The following THSD7A variants were observed in gnomAD, a reference collection of about 807,000 sequenced individuals.
THSD7A encodes thrombospondin type 1 domain containing 7A.
A neutral mutation model predicts 231.3 loss-of-function variants in THSD7A; 96 were observed. The observed-to-expected ratio is 0.41, with a 90% CI of 0.35 to 0.49. THSD7A has a LOEUF of 0.49. THSD7A is among the 20% of genes least tolerant of loss of function. The probability of loss-of-function intolerance (pLI) is 0.05; values close to 1 mark genes in which losing one functional copy is unlikely to be tolerated. For synonymous variants in THSD7A, 940 were observed against 743.3 expected (o/e 1.26, Z -4.30); for missense variants, 2,290 against 2,070.2 (o/e 1.11, Z -2.06).
intron 23 of THSD7A, among the ~76,000 whole-genome samples, chr7:11,389,964 G>A (rs1451404556): frequency 1.3e-5 from 2 of 152,158 alleles, no homozygotes; most frequent in Admixed American, 6.5e-5. Context: ...GGCTTGCAGG[G>A]TTTCTGCAGA....
intron 1 of THSD7A, among the ~76,000 whole-genome samples, chr7:11,796,151 G>A (rs953433917): frequency 4.1e-5 from 6 of 146,658 alleles, no homozygotes; most frequent in African/African-American, 7.5e-5. Context: ...AATCTTCATC[G>A]TCTCGTGTGT....
At chr7:11,427,651 G>A (rs1583720516) in intron 14 of THSD7A, among the ~76,000 whole-genome samples, 1 of 152,214 alleles carries the variant, frequency 6.6e-6, no homozygotes, top group East Asian at 1.9e-4. Context: ...TTAGGATTGG[G>A]AGTCATATAT....
chr7:11,683,831 C>A lies in THSD7A; in HGVS notation c.191-46870G>T, dbSNP rs74976739. The stretch of plus-strand genomic sequence containing the variant: ...CAGTATCAATCCTACTGAAATGATT[C>A]CAAAAAATTGAGGAGGAGGAATTCC... On this transcript the variant is annotated intron_variant, in intron 1 of 27. Coordinates refer to ENST00000423059, the MANE Select transcript of THSD7A (RefSeq NM_015204.3). Among the ~76,000 whole-genome samples, 88 of 151,972 alleles carry A rather than the reference C, an allele frequency of 5.8e-4. No individual in the cohort carries two copies. In the East Asian group the frequency reaches 0.015, roughly 26 times the overall value.
intron 2 of THSD7A, among the ~76,000 whole-genome samples, chr7:11,607,162 C>G (rs951724780): frequency 2.0e-5 from 3 of 152,052 alleles, no homozygotes; most frequent in African/African-American, 7.2e-5. Flanking sequence ...TAAAATTATA[C>G]TCAGATTTAG....
chr7:11,600,225 T>C (rs116010187), intron 2 of THSD7A, among the ~76,000 whole-genome samples: 2,519 of 152,258 alleles, frequency 0.017, 72 homozygotes, highest in African/African-American at 0.057. Context: ...AAACATTCTT[T>C]TTAATATCAC....
intron 6 of THSD7A, among the ~76,000 whole-genome samples, chr7:11,496,043 C>A (rs1787084588): frequency 6.6e-6 from 1 of 152,064 alleles, no homozygotes; most frequent in African/African-American, 2.4e-5. Context: ...CAGAAGTATG[C>A]AGAAATGCTA....
intron 22 of THSD7A, among the ~76,000 whole-genome samples, chr7:11,404,585 G>A (rs764786603): frequency 6.6e-6 from 1 of 152,194 alleles, no homozygotes; most frequent in African/African-American, 2.4e-5. Flanking sequence ...TGGGTCTGCA[G>A]TGAAGCAAAA....
Position 11,637,826 on chromosome 7 carries a change from CAT to C in THSD7A, c.191-867_191-866del, listed in dbSNP as rs984712694. Among the ~76,000 whole-genome samples the C allele has an allele frequency of 1.3e-5, 2 of 151,880 alleles. No homozygotes were observed. The highest frequency in any genetic ancestry group is 4.8e-5 in the African/African-American group (2 of 41,332). ...CTTCTTAGAATAAACTTTATATTCA[CAT>C]ATATTATTTTTTTCTAAGGTAGATG... On this transcript the variant is annotated intron_variant, in intron 1 of 27. Transcript: ENST00000423059. This position sits in a 1 kb window ranked among gnomAD's most constrained non-coding sequence, Gnocchi z 4.2.
chr7:11,738,460 T>C (rs987206514), intron 1 of THSD7A, among the ~76,000 whole-genome samples: 8 of 152,022 alleles, frequency 5.3e-5, no homozygotes, highest in African/African-American at 1.7e-4. Context: ...ATAGGTAAGA[T>C]AGTGCTAGCA....
intron 4 of THSD7A, among the ~76,000 whole-genome samples, chr7:11,586,620 TTC>T (rs1433236050): frequency 6.6e-6 from 1 of 152,232 alleles, no homozygotes; most frequent in African/African-American, 2.4e-5. Flanking sequence ...TTCTTTTCTT[TTC>T]TCTTTTTCCA....
chr7:11,630,429 A>C (rs1781611354), intron 2 of THSD7A, among the ~76,000 whole-genome samples: 1 of 152,250 alleles, frequency 6.6e-6, no homozygotes. Flanking sequence ...AACAGAAATG[A>C]GATAAAAATA....
At position 11,604,854 on chromosome 7, in the gene THSD7A, A is replaced by C. The variant is rs185446437; in HGVS notation, c.1023-11352T>G. ...GACAGATGCAGAAGTAAAGGCTGGA[A>C]TTTATTTGAAAGCTCAGGATGGCAT... On this transcript the variant is annotated intron_variant, in intron 2 of 27. Transcript: ENST00000423059. Among the ~76,000 whole-genome samples the C allele has an allele frequency of 2.1e-3, 321 of 152,248 alleles. 4 individuals are homozygous for C. The highest frequency in any genetic ancestry group is 8.7e-4 in the Non-Finnish European group (59 of 68,004).
intron 1 of THSD7A, among the ~76,000 whole-genome samples, chr7:11,815,088 A>AAC (rs1338662720): frequency 6.6e-6 from 1 of 151,656 alleles, no homozygotes; most frequent in Admixed American, 6.6e-5. Context: ...AAACTCAAAA[A>AAC]AAAAAAGAAT....
chr7:11,698,755 G>C (rs1472228078), intron 1 of THSD7A, among the ~76,000 whole-genome samples: 3 of 151,334 alleles, frequency 2.0e-5, no homozygotes. Flanking sequence ...GAAGTACAGA[G>C]ATTAGGGAAT....
At chr7:11,486,644 A>G (rs1786671531) in intron 6 of THSD7A, among the ~76,000 whole-genome samples, 1 of 152,160 alleles carries the variant, frequency 6.6e-6, no homozygotes. Flanking sequence ...TCTTAGCTAG[A>G]TTTTGACTGT....
intron 4 of THSD7A, among the ~76,000 whole-genome samples, chr7:11,582,508 C>T (rs951703107): frequency 6.6e-6 from 1 of 151,950 alleles, no homozygotes; most frequent in African/African-American, 2.4e-5. Flanking sequence ...TTAGACTATC[C>T]ATGGGTTTAC....
At chr7:11,393,755 A>G (rs1217925350) in intron 23 of THSD7A, among the ~76,000 whole-genome samples, 2 of 152,252 alleles carry the variant, frequency 1.3e-5, no homozygotes, top group Non-Finnish European at 2.9e-5. Context: ...AAAGCAGAAG[A>G]AACAATATCA....
chr7:11,669,925 A>G (rs538516451), intron 1 of THSD7A, among the ~76,000 whole-genome samples: 2 of 151,952 alleles, frequency 1.3e-5, no homozygotes, highest in South Asian at 4.2e-4. Context: ...TTTCATCCCT[A>G]ATAACAACTC....
At chr7:11,409,044 T>C (rs1434839592) in intron 19 of THSD7A, among the ~76,000 whole-genome samples, 1 of 152,232 alleles carries the variant, frequency 6.6e-6, no homozygotes. Context: ...ACTACTTTTT[T>C]CCTTACATTG....
Sources: allele counts gnomAD v4.1 joint callset (sites outside exome capture counted in the v4.1 genomes callset), GRCh38; gene constraint gnomAD v4.1.1; non-coding constraint Gnocchi (gnomAD v3.1); transcripts MANE v1.5; gene names NCBI Gene and HGNC (gene_info 2026-07-23, HGNC 2026-07-21).